The following PCDH15 variants were observed in gnomAD, a reference collection of about 807,000 sequenced individuals.
PCDH15 encodes protocadherin related 15.
Under a neutral mutation model 178.5 loss-of-function variants are expected in PCDH15, and 129 were observed. The ratio of observed to expected loss-of-function variants is 0.72; its 90% CI spans 0.63 to 0.84. PCDH15 has a LOEUF of 0.84. PCDH15 is among the 40% of genes least tolerant of loss of function. The pLI, the probability that PCDH15 is intolerant of heterozygous loss-of-function variation, is 0.00. For missense variants in PCDH15, 2,230 were observed against 2,099.9 expected (o/e 1.06, Z -1.21); for synonymous variants, 800 against 732.0 (o/e 1.09, Z -1.50).
intron 1 of PCDH15, among the ~76,000 whole-genome samples, chr10:55,174,974 T>G (rs921288401): frequency 2.0e-5 from 3 of 152,080 alleles, no homozygotes; most frequent in African/African-American, 7.2e-5. Flanking sequence ...CCTGGAAGGA[T>G]GTTATGTTAC....
intron 2 of PCDH15, among the ~76,000 whole-genome samples, chr10:55,451,797 C>T (rs1381111411): frequency 6.6e-6 from 1 of 152,124 alleles, no homozygotes; most frequent in Admixed American, 6.5e-5. Context: ...TGTGCATGTA[C>T]ACATCTATCT....
At chr10:55,078,453 A>G (rs770384153) in intron 2 of PCDH15, among the ~76,000 whole-genome samples, 1 of 152,080 alleles carries the variant, frequency 6.6e-6, no homozygotes, top group Non-Finnish European at 1.5e-5. Context: ...GATAATTTGT[A>G]TATGTAGTCA....
chr10:55,018,438 A>G (rs746597402), intron 2 of PCDH15, among the ~76,000 whole-genome samples: 1 of 152,096 alleles, frequency 6.6e-6, no homozygotes, highest in Non-Finnish European at 1.5e-5. Context: ...GACATTTTGT[A>G]ATTAATTGTA....
intron 3 of PCDH15, among the ~76,000 whole-genome samples, chr10:54,441,596 T>C (rs1417574596): frequency 1.5e-4 from 23 of 151,860 alleles, no homozygotes; most frequent in Middle Eastern, 3.2e-3. Context: ...ACACACCAAA[T>C]TGTGGCCACA....
intron 3 of PCDH15, among the ~76,000 whole-genome samples, chr10:54,444,107 G>T (rs1435714851): frequency 6.6e-6 from 1 of 151,646 alleles, no homozygotes; most frequent in African/African-American, 2.4e-5. Context: ...CAAACAAGAG[G>T]TAAGGGAATA....
intron 7 of PCDH15, among the ~76,000 whole-genome samples, chr10:54,323,811 C>T (rs959312462): frequency 1.3e-5 from 2 of 152,072 alleles, no homozygotes; most frequent in African/African-American, 4.8e-5. Flanking sequence ...TATGTACTCC[C>T]TGTGCTTAAA....
chr10:54,439,091 T>C (rs2075627044), intron 3 of PCDH15, among the ~76,000 whole-genome samples: 1 of 151,798 alleles, frequency 6.6e-6, no homozygotes, highest in Non-Finnish European at 1.5e-5. Context: ...GGAAATTCTG[T>C]ATCCATTCTA....
intron 2 of PCDH15, among the ~76,000 whole-genome samples, chr10:55,127,003 C>T (rs1165823712): frequency 2.0e-5 from 3 of 151,958 alleles, no homozygotes; most frequent in Non-Finnish European, 1.5e-5. Context: ...TTCAGGTGTC[C>T]CCCCACCCCA....
At chr10:54,071,942 C>A (rs547509925) in intron 17 of PCDH15, among the ~76,000 whole-genome samples, 1 of 152,048 alleles carries the variant, frequency 6.6e-6, no homozygotes, top group Non-Finnish European at 1.5e-5. Context: ...ATAGAACACA[C>A]AATGTCAGCT....
At chr10:55,481,450 A>T (rs1033219823) in intron 2 of PCDH15, among the ~76,000 whole-genome samples, 1 of 151,236 alleles carries the variant, frequency 6.6e-6, no homozygotes, top group Non-Finnish European at 1.5e-5. Context: ...ATATCTTTCT[A>T]ACTTTTTGAT....
At chr10:55,183,452 A>G (rs969907477) in intron 1 of PCDH15, among the ~76,000 whole-genome samples, 2 of 151,878 alleles carry the variant, frequency 1.3e-5, no homozygotes, top group Non-Finnish European at 2.9e-5. Flanking sequence ...CCAATAAATT[A>G]ACCCAAAATA....
chr10:55,605,323 A>G (rs138214830), intron 2 of PCDH15, among the ~76,000 whole-genome samples: 7,691 of 152,154 alleles, frequency 0.051, 264 homozygotes, highest in Middle Eastern at 0.13. Flanking sequence ...AGGTGCAAGG[A>G]GGAACTGGTA....
intron 2 of PCDH15, among the ~76,000 whole-genome samples, chr10:54,535,788 T>A (rs1054145180): frequency 6.6e-6 from 1 of 151,678 alleles, no homozygotes; most frequent in Non-Finnish European, 1.5e-5. Context: ...AAATAAATTG[T>A]CAGTAGAAGG....
At chr10:54,090,880 C>T (rs2094589971) in intron 15 of PCDH15, among the ~76,000 whole-genome samples, 1 of 152,082 alleles carries the variant, frequency 6.6e-6, no homozygotes, top group Non-Finnish European at 1.5e-5. Flanking sequence ...TACAACAATA[C>T]AAATGTTAAT....
At chr10:55,298,234 G>T (rs1045053802) in intron 1 of PCDH15, among the ~76,000 whole-genome samples, 1 of 152,130 alleles carries the variant, frequency 6.6e-6, no homozygotes, top group Non-Finnish European at 1.5e-5. Flanking sequence ...TTTTCACAAA[G>T]CACAATATAC....
chr10:55,440,329 C>T (rs1232912199), intron 2 of PCDH15, among the ~76,000 whole-genome samples: 1 of 152,122 alleles, frequency 6.6e-6, no homozygotes, highest in Non-Finnish European at 1.5e-5. Context: ...AACCTTGACA[C>T]ATTTCTCTTA....
intron 1 of PCDH15, among the ~76,000 whole-genome samples, chr10:54,761,163 G>A (rs1947825987): frequency 6.6e-6 from 1 of 151,988 alleles, no homozygotes; most frequent in South Asian, 2.1e-4. Context: ...ATCACAACAA[G>A]CTCTAAAATT....
intron 14 of PCDH15, among the ~76,000 whole-genome samples, chr10:54,147,026 T>TAGTGTATATATAACGTGTATATAC (rs2044047391): frequency 6.8e-6 from 1 of 146,662 alleles, no homozygotes; most frequent in African/African-American, 2.5e-5. Flanking sequence ...TGTGTATATA[T>TAGTGTATATATAACGTGTATATAC]ACAAATATAT....
At chr10:54,231,878 G>A (rs1168817294) in intron 9 of PCDH15, among the ~76,000 whole-genome samples, 1 of 152,182 alleles carries the variant, frequency 6.6e-6, no homozygotes, top group Non-Finnish European at 1.5e-5. Context: ...TTCACCCAAA[G>A]CCTGTACCCC....
Sources: gnomAD v4.1 joint callset for allele counts (sites outside exome capture counted in the v4.1 genomes callset) on GRCh38, gnomAD v4.1.1 for gene constraint, MANE v1.5 for transcripts, NCBI Gene and HGNC (gene_info 2026-07-23, HGNC 2026-07-21) for gene names.